Variants in OGDHL observed in about 807,000 individuals in gnomAD.
The protein encoded by OGDHL is 2-oxoglutarate dehydrogenase-like, mitochondrial.
Under a neutral mutation model 109.6 loss-of-function variants are expected in OGDHL, and 79 were observed. The observed-to-expected ratio is 0.72, with a 90% CI of 0.60 to 0.87. The LOEUF (loss-of-function observed/expected upper bound fraction) is 0.87. Ranked by LOEUF, OGDHL falls within the 40% of genes least tolerant of loss-of-function variation. OGDHL has a pLI of 0.00. For synonymous variants in OGDHL, 528 were observed against 537.2 expected (o/e 0.98, Z 0.24); for missense variants, 1,275 against 1,362.2 (o/e 0.94, Z 1.01).
intron 20 of OGDHL, among the ~76,000 whole-genome samples, chr10:49,737,239 CCT>C (rs1218960547): frequency 1.3e-5 from 2 of 152,146 alleles, no homozygotes; most frequent in African/African-American, 4.8e-5. Flanking sequence ...AAATCCAACC[CCT>C]GTCCATGCTG....
intron 3 of OGDHL, 99 bp downstream of exon 3, chr10:49,756,677 G>T (rs1194828982): frequency 4.1e-6 from 5 of 1,214,550 alleles, no homozygotes; most frequent in Non-Finnish European, 5.6e-6. Context: ...AGGGCTCTCT[G>T]GGGAGATGAT....
chr10:49,751,892 A>G lies in OGDHL; in HGVS notation c.684T>C (p.Pro228=), dbSNP rs757717713. The G allele has an allele frequency of 9.3e-6, 15 of 1,614,034 alleles. No homozygotes were observed. Among genetic ancestry groups the G allele is most frequent in the East Asian group, 2.2e-5 (1 of 44,876 alleles). ...CCTCGCTGGAGAACTGCATCACACC[A>G]GGGGTCTCAAACTTCTGCCGGATCC... ...CQWIRQKFET[P]GVMQFSSEEK... Residue 228 remains proline, a synonymous_variant, in exon 6 of 23, where the codon CCT becomes CCC. Transcript: ENST00000374103.
intron 20 of OGDHL, 143 bp from the exon 21 acceptor site, chr10:49,736,663 G>A (rs956898280): frequency 1.2e-6 from 1 of 844,114 alleles, no homozygotes; most frequent in Non-Finnish European, 1.8e-6. Flanking sequence ...GACACCTCTT[G>A]AACTAAAAGA....
intron 3 of OGDHL, among the ~76,000 whole-genome samples, chr10:49,754,821 A>T (rs1450036249): frequency 6.6e-6 from 1 of 152,238 alleles, no homozygotes; most frequent in Non-Finnish European, 1.5e-5. Flanking sequence ...ACCCTACAGG[A>T]CAAACCACCT....
chr10:49,751,713 G>A (rs1342448452), intron 6 of OGDHL, 114 bp downstream of exon 6: 13 of 1,366,272 alleles, frequency 9.5e-6, no homozygotes, highest in Non-Finnish European at 1.2e-5. Context: ...TGGTGAGGCC[G>A]ATCCAGTCCT....
At position 49,746,785 on chromosome 10, in the gene OGDHL, T is replaced by C. The variant is rs1441543276; in HGVS notation, c.1261A>G (p.Thr421Ala). 1 of 1,614,060 alleles carries C rather than the reference T, an allele frequency of 6.2e-7. No individual in the cohort carries two copies. Among genetic ancestry groups the C allele is most frequent in the Non-Finnish European group, 8.5e-7 (1 of 1,179,996 alleles). The part of the protein sequence containing the change: ...FHLSDLPSYT[T>A]NGTVHVVVNN... ...ACGACGACGTGCACGGTACCATTGGTCGTGTAGGAGGGCAGGTCGCTCAGG... is the reference window on the plus strand; with the variant it reads ...ACGACGACGTGCACGGTACCATTGGCCGTGTAGGAGGGCAGGTCGCTCAGG... The change falls in exon 10 of 23, where the codon ACC becomes GCC. Residue 421 changes from threonine to alanine, a missense_variant. Transcript: ENST00000374103.
chr10:49,761,414 C>T (rs1008595053), intron 1 of OGDHL, among the ~76,000 whole-genome samples: 2 of 152,234 alleles, frequency 1.3e-5, no homozygotes, highest in African/African-American at 4.8e-5. Flanking sequence ...TAAACAGAGG[C>T]CGGGAAGGGT....
intron 1 of OGDHL, among the ~76,000 whole-genome samples, chr10:49,760,334 G>A (rs752787622): frequency 9.9e-5 from 15 of 152,178 alleles, no homozygotes; most frequent in African/African-American, 2.9e-4. Flanking sequence ...ACTTGGGGCC[G>A]GCTCCTCTGG....
At position 49,739,669 on chromosome 10, in the gene OGDHL, C is replaced by T; in HGVS notation, c.2311G>A (p.Glu771Lys). The change falls in exon 17 of 23, where the codon GAA becomes AAA. Residue 771 changes from glutamate to lysine, a missense_variant. Glu to Lys is a moderately conservative substitution (Grantham distance 56). Coordinates refer to ENST00000374103, the MANE Select transcript of OGDHL (RefSeq NM_018245.3). Reference protein sequence around the residue: ...GIVLLLPHGMEGMGPEHSSAR... With the variant: ...GIVLLLPHGMKGMGPEHSSAR... ...ACCACCGCAGCCCTCACCATGCCTT[C>T]CATGCCATGGGGCAGCAGCAGCACA... 2 of 1,613,422 alleles carry T rather than the reference C, an allele frequency of 1.2e-6. No individual in the cohort carries two copies. The highest frequency in any genetic ancestry group is 1.7e-6 in the Non-Finnish European group (2 of 1,179,594).
chr10:49,737,664 G>A, intron 20 of OGDHL, 122 bp downstream of exon 20: 2 of 1,037,630 alleles, frequency 1.9e-6, no homozygotes, highest in East Asian at 2.5e-5. Flanking sequence ...CATGCCAGGA[G>A]CTGCTGCAGG....
At chr10:49,756,973 G>C (rs767213241) in intron 2 of OGDHL, 27 bp from the exon 3 acceptor site, 1 of 1,602,482 alleles carries the variant, frequency 6.2e-7, no homozygotes, top group African/African-American at 1.3e-5. Context: ...CAAGAACGCA[G>C]CCAGGTCAGG....
At chr10:49,741,383 G>C (rs1234132578) in intron 15 of OGDHL, among the ~76,000 whole-genome samples, 1 of 152,082 alleles carries the variant, frequency 6.6e-6, no homozygotes, top group African/African-American at 2.4e-5. Context: ...GTGCATCAGA[G>C]GGCCACCTGG....
intron 8 of OGDHL, among the ~76,000 whole-genome samples, chr10:49,749,277 G>T (rs1258178): frequency 1.3e-5 from 2 of 152,028 alleles, no homozygotes; most frequent in African/African-American, 2.4e-5. Context: ...TCCCAGGGAG[G>T]GGGTGGGAGC....
At chr10:49,745,191 C>A (rs976334052) in intron 12 of OGDHL, among the ~76,000 whole-genome samples, 153 bp downstream of exon 12, 1 of 152,246 alleles carries the variant, frequency 6.6e-6, no homozygotes, top group African/African-American at 2.4e-5. Context: ...TTCTTGGTCC[C>A]CTTTGGTAAC....
chr10:49,741,593 G>A (rs117925009), intron 15 of OGDHL, among the ~76,000 whole-genome samples: 2 of 151,396 alleles, frequency 1.3e-5, no homozygotes, highest in East Asian at 3.9e-4. Context: ...GATTCACAAA[G>A]ACAACTGCAA....
rs1564533848 is a variant in OGDHL at position 49,742,997 on chromosome 10, G to C, written c.1862-19C>G. ...GAGAGGCCTGTGGGAAAGGAGTGCT[G>C]GCCTGAGGGCCAAGGGACAGCCAGC... On this transcript the variant is annotated intron_variant, in intron 14 of 22. Coordinates refer to ENST00000374103, the MANE Select transcript of OGDHL (RefSeq NM_018245.3). 1 of 1,609,578 alleles carries C rather than the reference G, an allele frequency of 6.2e-7. No individual in the cohort carries two copies. The highest frequency in any genetic ancestry group is 8.5e-7 in the Non-Finnish European group (1 of 1,179,246).
rs961207508 is a variant in OGDHL at position 49,755,673 on chromosome 10, T to A, written c.375+1103A>T. Among the ~76,000 whole-genome samples, 5 of 151,918 alleles carry A rather than the reference T, an allele frequency of 3.3e-5. No individual in the cohort carries two copies. The East Asian group carries it at 9.7e-4, about 29-fold the overall frequency. On this transcript the variant is annotated intron_variant, in intron 3 of 22. Transcript: ENST00000374103. ...CTCATCCACACCAGGCACAACAGAG[T>A]AACACACCTGAATCCAGAAGCCACC...
intron 14 of OGDHL, 35 bp from the exon 15 acceptor site, chr10:49,743,013 G>A: frequency 1.2e-6 from 2 of 1,605,744 alleles, no homozygotes; most frequent in Non-Finnish European, 1.7e-6. Flanking sequence ...AGGGCCAAGG[G>A]ACAGCCAGCC....
chr10:49,745,174 T>A (rs534739300), intron 12 of OGDHL, among the ~76,000 whole-genome samples, 170 bp downstream of exon 12: 7 of 152,370 alleles, frequency 4.6e-5, no homozygotes, highest in African/African-American at 1.4e-4. Context: ...TGTAACTGCA[T>A]CCTTAGTTCT....
Sources: gnomAD v4.1 joint callset for allele counts (sites outside exome capture counted in the v4.1 genomes callset) on GRCh38, gnomAD v4.1.1 for gene constraint, MANE v1.5 for transcripts, NCBI Gene and HGNC (gene_info 2026-07-23, HGNC 2026-07-21) for gene names.